Variants in KCNAB2 observed in about 807,000 individuals in gnomAD.
The protein encoded by KCNAB2 is potassium voltage-gated channel subfamily A regulatory beta subunit 2, also known as voltage-gated potassium channel subunit beta-2.
Under a neutral mutation model 63.6 loss-of-function variants are expected in KCNAB2, and 29 were observed. The ratio of observed to expected loss-of-function variants is 0.46; its 90% CI spans 0.34 to 0.62. The LOEUF (loss-of-function observed/expected upper bound fraction) is 0.62, where lower values mean the gene tolerates loss of function less well. Ranked by LOEUF, KCNAB2 falls within the 20% of genes least tolerant of loss-of-function variation. KCNAB2 has a pLI of 0.01. For missense variants in KCNAB2, 359 were observed against 563.9 expected (o/e 0.64, Z 3.68); for synonymous variants, 222 against 224.2 (o/e 0.99, Z 0.09).
chr1:6,043,578 C>G (rs1660679707), upstream of KCNAB2, among the ~76,000 whole-genome samples: 1 of 152,208 alleles, frequency 6.6e-6, no homozygotes, highest in South Asian at 2.1e-4. Context: ...TTGGGTGTCT[C>G]TTGTGGGGGC....
rs142907519 is a variant in KCNAB2 at position 6,099,702 on chromosome 1, T to G, written c.*1128T>G. 7.9e-4 allele frequency: 1,111 copies of G among 1,399,170 alleles called. 10 individuals carry two copies. The African/African-American group carries it at 0.015, about 19-fold the overall frequency. 86.7% of individuals were successfully genotyped at this position (1,399,170 alleles called of 1,614,324 possible). ...CTTTGGGGTTTTCTGTGCCCATGAC[T>G]TGGGGGCTGCACCCCCACAGCACCC... On this transcript the variant is annotated 3_prime_UTR_variant, in exon 16 of 16. Transcript: ENST00000378083.
rs1659976836 is a variant in KCNAB2 at position 6,035,650 on chromosome 1, G to C, written c.-53+856G>C. ...GGGAAGAACTGGGCTGGGGGTGAGG[G>C]CAGTCGGGAGCTCAGTGTCTGACCC... is the stretch of plus-strand genomic sequence containing the variant. On this transcript the variant is annotated intron_variant, in intron 1 of 15. Transcript: ENST00000164247. This position sits in a 1 kb window ranked among gnomAD's most constrained non-coding sequence, Gnocchi z 5.0. Among the ~76,000 whole-genome samples, 1 of 152,014 alleles carries C rather than the reference G, an allele frequency of 6.6e-6. No homozygotes were observed. Among genetic ancestry groups the C allele is most frequent in the African/African-American group, 2.4e-5 (1 of 41,366 alleles).
At chr1:6,083,467 C>CT (rs1261024607) in intron 5 of KCNAB2, among the ~76,000 whole-genome samples, 1 of 152,244 alleles carries the variant, frequency 6.6e-6, no homozygotes, top group African/African-American at 2.4e-5. Context: ...ACACCCAGAG[C>CT]TGGTGAGCTG....
rs1656846426 is a variant in KCNAB2 at position 5,994,723 on chromosome 1, C to T, written c.-53+1935C>T. On this transcript the variant is annotated intron_variant, in intron 1 of 16. Coordinates refer to the KCNAB2 transcript ENST00000341524. The surrounding 1 kb of genome is among the most constrained non-coding windows in gnomAD (Gnocchi z 5.4). ...GCAGTGTGCACAGAAGCCATTGCACCCGGGAGGTGGGACGTGGGCCATGGC... is the reference window on the plus strand; with the variant it reads ...GCAGTGTGCACAGAAGCCATTGCACTCGGGAGGTGGGACGTGGGCCATGGC... Among the ~76,000 whole-genome samples the T allele has an allele frequency of 6.6e-6, 1 of 152,060 alleles. No homozygotes were observed. Among genetic ancestry groups the T allele is most frequent in the East Asian group, 1.9e-4 (1 of 5,192 alleles).
At chr1:6,072,849 G>A (rs767690602) in intron 3 of KCNAB2, 51 bp downstream of exon 3, 5 of 1,585,106 alleles carry the variant, frequency 3.2e-6, no homozygotes, top group Non-Finnish European at 4.3e-6. Flanking sequence ...CTGTGGGGAG[G>A]CCGGGCATGG....
At chr1:6,041,756 G>C (rs1339465297), upstream of KCNAB2, 27 of 1,326,500 alleles carry the variant, frequency 2.0e-5, 1 homozygote, top group South Asian at 1.3e-4. Flanking sequence ...GCACCTGCTG[G>C]GGTTGATGCC....
Position 6,099,984 on chromosome 1 carries a change from C to G in KCNAB2, c.*1410C>G. 1 of 1,547,244 alleles carries G rather than the reference C, an allele frequency of 6.5e-7. No individual in the cohort carries two copies. Among genetic ancestry groups the G allele is most frequent in the Non-Finnish European group, 8.7e-7 (1 of 1,145,372 alleles). On this transcript the variant is annotated 3_prime_UTR_variant, in exon 16 of 16. Coordinates refer to ENST00000378083, the MANE Select transcript of KCNAB2 (RefSeq NM_001199862.2). ...GCTTTGCAGACCACGCGGGGCAGGG[C>G]TCCACTGAAGCCACCCCCACCCCTC...
At chr1:6,037,595 G>A (rs1344250612) in intron 1 of KCNAB2, among the ~76,000 whole-genome samples, 1 of 152,236 alleles carries the variant, frequency 6.6e-6, no homozygotes, top group African/African-American at 2.4e-5. Context: ...CATGCAAGAA[G>A]AAATGCACTG....
chr1:6,035,095 T>C lies in KCNAB2; in HGVS notation c.-53+301T>C, dbSNP rs920759729. ...TGACCTTGGCATAAAGAGGCAAACG[T>C]GGGAGCATGCTCAGGCAGACCACGG... On this transcript the variant is annotated intron_variant, in intron 1 of 15. Transcript: ENST00000164247. This position sits in a 1 kb window ranked among gnomAD's most constrained non-coding sequence, Gnocchi z 5.0. 2.0e-4 allele frequency among the ~76,000 whole-genome samples: 31 copies of C among 152,102 alleles called. 1 individual carries two copies. Among genetic ancestry groups the C allele is most frequent in the African/African-American group, 7.5e-4 (31 of 41,482 alleles).
intron 10 of KCNAB2, 44 bp downstream of exon 10, chr1:6,091,351 C>G (rs1455385004): frequency 7.4e-6 from 10 of 1,357,052 alleles, no homozygotes; most frequent in Non-Finnish European, 1.0e-5. Context: ...TGTGTCCAAG[C>G]TGCATTTTAT....
intron 1 of KCNAB2, among the ~76,000 whole-genome samples, chr1:6,004,388 G>C (rs903233651): frequency 2.0e-5 from 3 of 152,078 alleles, no homozygotes; most frequent in Non-Finnish European, 4.4e-5. Flanking sequence ...AGCCTAGGGG[G>C]TGCATTTGTT....
At chr1:6,044,906 G>A (rs1570942190), upstream of KCNAB2, among the ~76,000 whole-genome samples, 1 of 152,278 alleles carries the variant, frequency 6.6e-6, no homozygotes, top group East Asian at 1.9e-4. Context: ...AAGGGACAGA[G>A]AGGAGCAGTG....
chr1:6,076,106 T>C (rs60396582), intron 4 of KCNAB2, among the ~76,000 whole-genome samples: 50,784 of 152,210 alleles, frequency 0.33, 10,331 homozygotes, highest in African/African-American at 0.57. Context: ...ACTTGACGTC[T>C]CCTGTTCTTT....
intron 4 of KCNAB2, among the ~76,000 whole-genome samples, chr1:6,076,903 G>A (rs776691305): frequency 1.2e-4 from 18 of 152,206 alleles, no homozygotes; most frequent in Non-Finnish European, 2.1e-4. Context: ...TCATGTTTTA[G>A]GTCTAGGGGC....
chr1:6,018,593 A>T (rs1396145941), intron 1 of KCNAB2: 1 of 152,214 alleles, frequency 6.6e-6, no homozygotes, highest in East Asian at 1.9e-4. Context: ...GACCACAGGT[A>T]TGCACCACGA....
chr1:6,040,624 G>A (rs758296656), exon 2 of KCNAB2: 2 of 1,613,872 alleles, frequency 1.2e-6, no homozygotes, highest in Non-Finnish European at 1.7e-6. Flanking sequence ...CGGCAGACGG[G>A]CTCCCCCGGG....
chr1:6,011,770 G>A (rs1274428588), intron 1 of KCNAB2, among the ~76,000 whole-genome samples: 4 of 152,070 alleles, frequency 2.6e-5, no homozygotes, highest in Admixed American at 6.5e-5. Flanking sequence ...AGGGATATCC[G>A]CGTGGATGGA....
In KCNAB2 at chr1:6,082,253, C is replaced by G. The variant is rs759921043; in HGVS notation, c.359C>G (p.Ala120Gly). Residue 120 changes from alanine to glycine, a missense_variant, in exon 5 of 16, where the codon GCA (alanine) becomes GGA (glycine). Ala to Gly is a moderately conservative substitution (Grantham distance 60). This residue lies in a region of KCNAB2 where 271 missense variants were observed against 476.1 expected (regional missense o/e 0.57). Transcript: ENST00000378083. ...AATGGCATCAACCTCTTCGATACAG[C>G]AGAAGTCTACGCAGCCGGCAAGTAC... is the stretch of plus-strand genomic sequence containing the variant. ...YDNGINLFDTAEVYAAGKAEV... is the reference protein window; with the variant it reads ...YDNGINLFDTGEVYAAGKAEV... 3 of 1,613,440 alleles carry G rather than the reference C, an allele frequency of 1.9e-6. No individual in the cohort carries two copies. Among genetic ancestry groups the G allele is most frequent in the Non-Finnish European group, 2.5e-6 (3 of 1,179,572 alleles).
chr1:6,023,473 T>C (rs1488992848), intron 1 of KCNAB2, among the ~76,000 whole-genome samples: 1 of 152,220 alleles, frequency 6.6e-6, no homozygotes, highest in Non-Finnish European at 1.5e-5. Flanking sequence ...TTCTGGGCTT[T>C]TTTATAGCGG....
Sources: gnomAD v4.1 joint callset for allele counts (sites outside exome capture counted in the v4.1 genomes callset) on GRCh38, gnomAD v4.1.1 for gene constraint, gnomAD v4.1.1 regional missense constraint, Gnocchi (gnomAD v3.1) non-coding constraint, MANE v1.5 for transcripts, NCBI Gene and HGNC (gene_info 2026-07-23, HGNC 2026-07-21) for gene names.